VPS13A: variants seen among roughly 807,000 people sequenced by gnomAD.
The protein encoded by VPS13A is intermembrane lipid transfer protein VPS13A.
A neutral mutation model predicts 390.9 loss-of-function variants in VPS13A; 264 were observed. The observed-to-expected ratio is 0.68, with a 90% CI of 0.61 to 0.75. VPS13A has a LOEUF of 0.75. Ranked by LOEUF, VPS13A falls within the 30% of genes least tolerant of loss-of-function variation. VPS13A has a pLI of 0.00. For missense variants in VPS13A, 3,409 were observed against 3,733.9 expected (o/e 0.91, Z 2.27); for synonymous variants, 1,231 against 1,227.1 (o/e 1.00, Z -0.07).
intron 69 of VPS13A, among the ~76,000 whole-genome samples, chr9:77,405,228 G>T (rs967501313): frequency 2.0e-5 from 3 of 152,148 alleles, no homozygotes. Context: ...AATGGGACTT[G>T]ATTTTACCTG....
At chr9:77,269,773 T>C (rs1376071024) in intron 23 of VPS13A, among the ~76,000 whole-genome samples, 1 of 152,232 alleles carries the variant, frequency 6.6e-6, no homozygotes. Flanking sequence ...AATTGTGCCC[T>C]TCAAAATTTA....
intron 34 of VPS13A, among the ~76,000 whole-genome samples, chr9:77,304,171 A>G (rs1217188579): frequency 2.0e-5 from 3 of 152,188 alleles, no homozygotes; most frequent in African/African-American, 7.2e-5. Flanking sequence ...GAGAATGGCA[A>G]TGACTTTTAC....
intron 68 of VPS13A, among the ~76,000 whole-genome samples, chr9:77,399,197 A>AT (rs1563990895): frequency 1.1e-4 from 13 of 114,170 alleles, no homozygotes; most frequent in Non-Finnish European, 2.4e-4. Flanking sequence ...AAAAAAAAAA[A>AT]AAAAAAAACA....
At chr9:77,407,723 T>C (rs746638500) in intron 71 of VPS13A, 116 bp downstream of exon 71, 3 of 856,232 alleles carry the variant, frequency 3.5e-6, no homozygotes, top group Non-Finnish European at 5.6e-6. Flanking sequence ...TTTGTTTTGC[T>C]TTTGTGTTTT....
At chr9:77,324,585 A>G (rs565131039) in intron 45 of VPS13A, among the ~76,000 whole-genome samples, 1 of 152,310 alleles carries the variant, frequency 6.6e-6, no homozygotes, top group Non-Finnish European at 1.5e-5. Flanking sequence ...CCTAGGATTA[A>G]TCTCACATAA....
chr9:77,407,655 A>C lies in VPS13A; in HGVS notation c.9474+48A>C, dbSNP rs764907974. ...TTAAATAGGAGCTGCTCACTTCAAA[A>C]TCATGTAAGTGGACTATTTTTTAAT... On this transcript the variant is annotated intron_variant, in intron 71 of 71. Transcript: ENST00000360280. The C allele has an allele frequency of 6.5e-6, 9 of 1,377,124 alleles. No individual in the cohort carries two copies. In the East Asian group the frequency reaches 1.2e-4, roughly 18 times the overall value. 85.3% of individuals were successfully genotyped at this position (1,377,124 alleles called of 1,614,324 possible).
Position 77,344,319 on chromosome 9 carries a change from A to G in VPS13A, c.7155+38A>G, listed in dbSNP as rs746593666. On this transcript the variant is annotated intron_variant, in intron 51 of 71. Coordinates refer to ENST00000360280, the MANE Select transcript of VPS13A (RefSeq NM_033305.3). ...TTCTTTTTTGCATGTGTCATTAGGA[A>G]AGCTAAAATATACTGACTAGTATTG... The G allele has an allele frequency of 1.9e-6, 3 of 1,600,650 alleles. No individual in the cohort carries two copies. The East Asian group carries it at 6.7e-5, about 36-fold the overall frequency.
Position 77,420,042 on chromosome 9 carries a change from AT to A in VPS13A, c.*4044del, listed in dbSNP as rs1210771958. ...ACTCAATACAGACTTAGTCAATCTG[AT>A]TTTTTTTGGTGCTTTTCAGTATAGC... On this transcript the variant is annotated 3_prime_UTR_variant, in exon 72 of 72. Coordinates refer to ENST00000360280, the MANE Select transcript of VPS13A (RefSeq NM_033305.3). The A allele has an allele frequency of 2.0e-5, 3 of 152,040 alleles. No homozygotes were observed. Among genetic ancestry groups the A allele is most frequent in the East Asian group, 3.9e-4 (2 of 5,190 alleles). 9.4% of individuals were successfully genotyped at this position (152,040 alleles called of 1,614,324 possible).
rs143438569 is a variant in VPS13A at position 77,370,439 on chromosome 9, A to G, written c.8768A>G (p.Lys2923Arg). The part of the protein sequence containing the change: ...AVGGLAGAAS[K>R]ITGAMAKGVA... Reference sequence around the variant, plus strand: ...GGTGGATTGGCTGGTGCTGCCTCCAAAATCACCGGTGCTATGGCTAAGGGG... The same window carrying G: ...GGTGGATTGGCTGGTGCTGCCTCCAGAATCACCGGTGCTATGGCTAAGGGG... Residue 2923 changes from lysine (K) to arginine (R), a missense_variant, in exon 65 of 72, where the codon AAA becomes AGA. By Grantham distance (26) the Lys-to-Arg change is conservative. Transcript: ENST00000360280. The G allele has an allele frequency of 2.5e-6, 4 of 1,614,176 alleles. No homozygotes were observed. The highest frequency in any genetic ancestry group is 1.7e-5 in the Admixed American group (1 of 60,008).
At chr9:77,308,182 T>C in intron 35 of VPS13A, 84 bp downstream of exon 35, 1 of 1,425,220 alleles carries the variant, frequency 7.0e-7, no homozygotes. Flanking sequence ...TCCTTCTGTC[T>C]TTTCCCTCCT....
At chr9:77,210,138 C>A (rs1189688225) in intron 6 of VPS13A, among the ~76,000 whole-genome samples, 1 of 145,362 alleles carries the variant, frequency 6.9e-6, no homozygotes. Flanking sequence ...GTTATCCCTC[C>A]CTCCCTTCCT....
chr9:77,371,734 G>A (rs1224806418), intron 67 of VPS13A, among the ~76,000 whole-genome samples: 2 of 149,602 alleles, frequency 1.3e-5, no homozygotes, highest in Non-Finnish European at 3.0e-5. Context: ...GTATACATGT[G>A]CCATGCTGGT....
intron 68 of VPS13A, chr9:77,382,358 A>G: frequency 1.3e-6 from 2 of 1,521,390 alleles, no homozygotes; most frequent in South Asian, 1.3e-5. Context: ...CTTAAAATTT[A>G]CAAACTACGT....
rs758246760 is a variant in VPS13A at position 77,339,698 on chromosome 9, A to G, written c.6561A>G (p.Thr2187=). The change falls in exon 48 of 72, where the codon ACA becomes ACG. Residue 2187 remains threonine (T), a synonymous_variant. Coordinates refer to ENST00000360280, the MANE Select transcript of VPS13A (RefSeq NM_033305.3). The stretch of plus-strand genomic sequence containing the variant: ...GTTTTGTCAGTTTTACTTGTGTTAC[A>G]GAAATGGAAAAGACTGATTTAGATA... The part of the protein sequence containing the change: ...DISFVSFTCV[T]EMEKTDLDIA... 1 of 1,613,918 alleles carries G rather than the reference A, an allele frequency of 6.2e-7. No homozygotes were observed. Among genetic ancestry groups the G allele is most frequent in the African/African-American group, 1.3e-5 (1 of 74,922 alleles).
chr9:77,380,464 A>G (rs11145406), intron 67 of VPS13A, among the ~76,000 whole-genome samples: 76,039 of 151,744 alleles, frequency 0.5, 19,402 homozygotes, highest in South Asian at 0.59. Flanking sequence ...TGCACATGCC[A>G]CCACGCCCGG....
At position 77,321,478 on chromosome 9, in the gene VPS13A, T is replaced by A. The variant is rs1471174689; in HGVS notation, c.5575-13T>A. 1.2e-6 allele frequency: 2 copies of A among 1,613,054 alleles called. No individual in the cohort carries two copies. Among genetic ancestry groups the A allele is most frequent in the East Asian group, 2.2e-5 (1 of 44,830 alleles). On this transcript the variant is annotated splice_polypyrimidine_tract_variant and intron_variant, in intron 43 of 71. Transcript: ENST00000360280. ...CACATTTCATTTTATTTAGCATAAC[T>A]CTTTCTTATTAGGCATTTACAGAAG...
chr9:77,273,477 A>T, intron 24 of VPS13A, 113 bp downstream of exon 24: 1 of 883,760 alleles, frequency 1.1e-6, no homozygotes, highest in Non-Finnish European at 1.7e-6. Context: ...TTTTCCTTTT[A>T]AAATCTAGGT....
At chr9:77,200,134 A>G (rs1825239258) in intron 2 of VPS13A, 146 bp downstream of exon 2, 5 of 684,602 alleles carry the variant, frequency 7.3e-6, no homozygotes, top group Non-Finnish European at 1.2e-5. Context: ...TGCTAAATGG[A>G]GTTTTAATCT....
In VPS13A at chr9:77,177,544, C is replaced by G. The variant is rs999483129; in HGVS notation, c.-161C>G. 7.5e-6 allele frequency: 5 copies of G among 666,310 alleles called. No homozygotes were observed. Among genetic ancestry groups the G allele is most frequent in the East Asian group, 2.9e-5 (1 of 34,852 alleles). The allele number at this position is 666,310 out of a possible 1,614,324, so 41.3% of individuals were successfully genotyped here. ...GTCGTGAGAGCGACCGCCTCCGTCTCTCGCTGGGCTCGCTAGGGCTGCGCG... is the reference window on the plus strand; with the variant it reads ...GTCGTGAGAGCGACCGCCTCCGTCTGTCGCTGGGCTCGCTAGGGCTGCGCG... On this transcript the variant is annotated 5_prime_UTR_variant, in exon 1 of 72. Transcript: ENST00000360280.
Sources: allele counts gnomAD v4.1 joint callset (sites outside exome capture counted in the v4.1 genomes callset), GRCh38; gene constraint gnomAD v4.1.1; transcripts MANE v1.5; gene names NCBI Gene and HGNC (gene_info 2026-07-23, HGNC 2026-07-21).